CHN2: variants seen among roughly 807,000 people sequenced by gnomAD.
CHN2 encodes beta-chimaerin.
In CHN2, 35 loss-of-function variants were observed where a neutral mutation model predicts 56.3. The observed-to-expected ratio is 0.62, with a 90% CI of 0.47 to 0.82. The LOEUF (loss-of-function observed/expected upper bound fraction) is 0.82. CHN2 is among the 40% of genes least tolerant of loss of function. CHN2 has a pLI of 0.00. For missense variants in CHN2, 491 were observed against 580.5 expected, an observed-to-expected ratio of 0.85 and a Z score of 1.58; for synonymous variants, 210 against 212.8, an observed-to-expected ratio of 0.99 and a Z score of 0.12.
At chr7:29,299,466 A>G (rs1021025867) in intron 1 of CHN2, among the ~76,000 whole-genome samples, 10 of 152,066 alleles carry the variant, frequency 6.6e-5, no homozygotes, top group African/African-American at 9.7e-5. Flanking sequence ...CTGTTCTAGT[A>G]CTTTCAGAAA....
chr7:29,311,046 T>G (rs942583337), intron 1 of CHN2, among the ~76,000 whole-genome samples: 1 of 152,252 alleles, frequency 6.6e-6, no homozygotes, highest in Non-Finnish European at 1.5e-5. Context: ...CCTGCTTTTC[T>G]GTCTGTCCTC....
intron 6 of CHN2, among the ~76,000 whole-genome samples, chr7:29,449,564 T>C (rs1451545431): frequency 6.6e-6 from 1 of 152,226 alleles, no homozygotes; most frequent in African/African-American, 2.4e-5. Context: ...AATCGTAAAG[T>C]ATTTACTGTT....
At chr7:29,278,168 C>A (rs1306002457) in intron 1 of CHN2, among the ~76,000 whole-genome samples, 1 of 152,160 alleles carries the variant, frequency 6.6e-6, no homozygotes, top group East Asian at 1.9e-4. Flanking sequence ...GGTTTGCAAC[C>A]TTGACTGCAC....
intron 1 of CHN2, among the ~76,000 whole-genome samples, chr7:29,296,561 T>C (rs1215011903): frequency 1.3e-5 from 2 of 152,220 alleles, no homozygotes; most frequent in Non-Finnish European, 2.9e-5. Flanking sequence ...AAGGGTACCT[T>C]CAAGAGAGCA....
chr7:29,318,893 G>A (rs1473357434), intron 1 of CHN2, among the ~76,000 whole-genome samples: 1 of 152,166 alleles, frequency 6.6e-6, no homozygotes, highest in Non-Finnish European at 1.5e-5. Context: ...TTGTAAATTT[G>A]TTTAGCTTGA....
intron 1 of CHN2, among the ~76,000 whole-genome samples, chr7:29,251,251 G>T (rs546646209): frequency 6.6e-6 from 1 of 152,062 alleles, no homozygotes; most frequent in Admixed American, 6.5e-5. Flanking sequence ...CCAGCAGTTC[G>T]AGATCAGCCT....
chr7:29,477,604 A>G (rs1786701811), intron 6 of CHN2, among the ~76,000 whole-genome samples: 1 of 152,174 alleles, frequency 6.6e-6, no homozygotes, highest in East Asian at 1.9e-4. Flanking sequence ...GCTTCTCTCC[A>G]TCTTTTTACC....
At chr7:29,340,788 T>C (rs1233871786) in intron 1 of CHN2, among the ~76,000 whole-genome samples, 1 of 152,202 alleles carries the variant, frequency 6.6e-6, no homozygotes, top group Non-Finnish European at 1.5e-5. Context: ...TCGGCACATA[T>C]ATGGGACATG....
intron 2 of CHN2, among the ~76,000 whole-genome samples, chr7:29,179,303 G>A (rs980526791): frequency 6.6e-6 from 1 of 152,208 alleles, no homozygotes; most frequent in Non-Finnish European, 1.5e-5. Context: ...GCCAAGTCAT[G>A]AGGAAGAGTG....
At chr7:29,290,586 T>G (rs972207336) in intron 1 of CHN2, among the ~76,000 whole-genome samples, 2 of 152,210 alleles carry the variant, frequency 1.3e-5, no homozygotes, top group Non-Finnish European at 2.9e-5. Context: ...GTGAGACTTG[T>G]GTGCCACCAT....
chr7:29,224,905 G>T (rs1447707965), intron 1 of CHN2, among the ~76,000 whole-genome samples: 1 of 152,156 alleles, frequency 6.6e-6, no homozygotes. Flanking sequence ...TGGAGAGAAT[G>T]ATTCATAATG....
chr7:29,195,083 C>G (rs1029264883), intron 1 of CHN2, 93 bp downstream of exon 1: 3 of 1,348,810 alleles, frequency 2.2e-6, no homozygotes, highest in South Asian at 1.3e-5. Flanking sequence ...CTACCTGTGG[C>G]CATCCCGCCC....
chr7:29,180,263 C>T (rs1797895541), intron 2 of CHN2, among the ~76,000 whole-genome samples: 1 of 152,144 alleles, frequency 6.6e-6, no homozygotes, highest in African/African-American at 2.4e-5. Context: ...TGGTGGCTCA[C>T]GCCTGTAATC....
At chr7:29,276,742 G>C (rs2128855207) in intron 1 of CHN2, among the ~76,000 whole-genome samples, 1 of 152,270 alleles carries the variant, frequency 6.6e-6, no homozygotes, top group East Asian at 1.9e-4. Flanking sequence ...TTGAGGCGCT[G>C]GCCCTAAAAT....
At chr7:29,212,464 T>C (rs1169606388) in intron 1 of CHN2, 7 of 1,595,354 alleles carry the variant, frequency 4.4e-6, no homozygotes, top group African/African-American at 1.3e-5. Flanking sequence ...TCTCCTCTTC[T>C]TCCTCCATGG....
At chr7:29,236,717 T>A (rs745565695) in intron 1 of CHN2, among the ~76,000 whole-genome samples, 6 of 152,058 alleles carry the variant, frequency 3.9e-5, no homozygotes, top group Non-Finnish European at 7.4e-5. Flanking sequence ...AAGGTCAGAG[T>A]TCTCAAATGG....
At chr7:29,227,306 A>G (rs1786283682) in intron 1 of CHN2, among the ~76,000 whole-genome samples, 1 of 152,096 alleles carries the variant, frequency 6.6e-6, no homozygotes, top group Non-Finnish European at 1.5e-5. Flanking sequence ...TCACTTTCCC[A>G]ACTCAGTGAT....
chr7:29,438,634 A>T (rs1783413924), intron 6 of CHN2, among the ~76,000 whole-genome samples: 1 of 152,208 alleles, frequency 6.6e-6, no homozygotes, highest in Non-Finnish European at 1.5e-5. Flanking sequence ...CACTCATATT[A>T]AGATGGATAG....
intron 1 of CHN2, among the ~76,000 whole-genome samples, chr7:29,226,143 C>T (rs963332613): frequency 1.3e-5 from 2 of 152,080 alleles, no homozygotes; most frequent in African/African-American, 4.8e-5. Context: ...GAACAATGAG[C>T]TGTCTTTTCT....
Sources: gnomAD v4.1 joint callset for allele counts (sites outside exome capture counted in the v4.1 genomes callset) on GRCh38, gnomAD v4.1.1 for gene constraint, MANE v1.5 for transcripts, NCBI Gene and HGNC (gene_info 2026-07-23, HGNC 2026-07-21) for gene names.